The following CADPS2 variants were observed in gnomAD, a reference collection of about 807,000 sequenced individuals.
The protein encoded by CADPS2 is calcium dependent secretion activator 2.
A neutral mutation model predicts 172.5 loss-of-function variants in CADPS2; 93 were observed. The ratio of observed to expected loss-of-function variants is 0.54; its 90% CI spans 0.46 to 0.64. The LOEUF (loss-of-function observed/expected upper bound fraction) is 0.64, where lower values mean the gene tolerates loss of function less well. Among genes scored for constraint, CADPS2 ranks in the 30% least tolerant of loss-of-function variants. The pLI, the probability that CADPS2 is intolerant of heterozygous loss-of-function variation, is 0.00. For synonymous variants in CADPS2, 546 were observed against 555.2 expected, an observed-to-expected ratio of 0.98 and a Z score of 0.23; for missense variants, 1,420 against 1,565.9, an observed-to-expected ratio of 0.91 and a Z score of 1.57.
intron 1 of CADPS2, among the ~76,000 whole-genome samples, chr7:122,768,081 A>C (rs1180991197): frequency 2.0e-5 from 3 of 152,162 alleles, no homozygotes; most frequent in African/African-American, 7.2e-5. Context: ...AACAAAGTAA[A>C]ATGTGGTGAT....
chr7:122,779,167 T>C (rs553631470), intron 1 of CADPS2, among the ~76,000 whole-genome samples: 2 of 152,148 alleles, frequency 1.3e-5, no homozygotes, highest in African/African-American at 4.8e-5. Context: ...TATTTTTTTT[T>C]ATAAATTATC....
intron 8 of CADPS2, among the ~76,000 whole-genome samples, chr7:122,539,753 C>CTCTCTCTCCCTGTCTGT (rs145831752): frequency 1.3e-5 from 2 of 151,534 alleles, no homozygotes; most frequent in African/African-American, 4.8e-5. Flanking sequence ...CTCTCTCTGT[C>CTCTCTCTCCCTGTCTGT]TCTCTCTGTC....
intron 1 of CADPS2, among the ~76,000 whole-genome samples, chr7:122,832,244 T>C (rs1042724592): frequency 6.7e-6 from 1 of 148,688 alleles, no homozygotes; most frequent in African/African-American, 2.5e-5. Flanking sequence ...GTTTTCAAGA[T>C]CAAGGTCTTA....
chr7:122,381,084 T>C (rs2042943131), intron 24 of CADPS2, among the ~76,000 whole-genome samples: 2 of 152,056 alleles, frequency 1.3e-5, no homozygotes. Flanking sequence ...AGCTGAACAA[T>C]TCCAGTGCAC....
chr7:122,715,347 C>G (rs781222222), intron 2 of CADPS2, among the ~76,000 whole-genome samples: 2 of 152,022 alleles, frequency 1.3e-5, no homozygotes. Context: ...GCCTCAGAAC[C>G]CTATCTCCTA....
At position 122,637,407 on chromosome 7, in the gene CADPS2, T is replaced by A. The variant is rs2077187756; in HGVS notation, c.787-8079A>T. On this transcript the variant is annotated intron_variant, in intron 3 of 29. Coordinates refer to ENST00000449022, the MANE Select transcript of CADPS2 (RefSeq NM_017954.11). ...CTGACCTCAAACTCATGGGCTTAAGTGATCCTCTTGCCTTGGCCTCCCAAA... is the reference window on the plus strand; with the variant it reads ...CTGACCTCAAACTCATGGGCTTAAGAGATCCTCTTGCCTTGGCCTCCCAAA... Among the ~76,000 whole-genome samples the A allele has an allele frequency of 2.0e-5, 3 of 152,186 alleles. No individual in the cohort carries two copies. The South Asian group carries it at 6.2e-4, about 32-fold the overall frequency.
At chr7:122,600,018 A>G (rs78789241) in intron 6 of CADPS2, among the ~76,000 whole-genome samples, 3,795 of 152,182 alleles carry the variant, frequency 0.025, 121 homozygotes, top group Non-Finnish European at 0.034. Flanking sequence ...CTTAATTCAC[A>G]TAAGTGGTGC....
intron 3 of CADPS2, among the ~76,000 whole-genome samples, chr7:122,654,502 T>C (rs1233543042): frequency 6.6e-6 from 1 of 152,226 alleles, no homozygotes; most frequent in African/African-American, 2.4e-5. Context: ...TGAAGAATCA[T>C]GCTAAATCTA....
At chr7:122,464,218 G>A (rs372005134) in intron 14 of CADPS2, among the ~76,000 whole-genome samples, 1 of 152,170 alleles carries the variant, frequency 6.6e-6, no homozygotes, top group Non-Finnish European at 1.5e-5. Flanking sequence ...AAAACCAAAT[G>A]AGTGGGGCAT....
intron 14 of CADPS2, among the ~76,000 whole-genome samples, chr7:122,456,320 G>A (rs961346513): frequency 6.6e-6 from 1 of 151,946 alleles, no homozygotes; most frequent in East Asian, 1.9e-4. Flanking sequence ...TGAATGTTAA[G>A]TGGGACTTAA....
intron 9 of CADPS2, among the ~76,000 whole-genome samples, chr7:122,494,151 A>G (rs188700789): frequency 5.3e-5 from 8 of 152,304 alleles, no homozygotes; most frequent in Non-Finnish European, 5.9e-5. Context: ...AGGTTTTCTG[A>G]AAAAGAAGAC....
chr7:122,638,391 G>A (rs999222412), intron 3 of CADPS2, among the ~76,000 whole-genome samples: 9 of 152,164 alleles, frequency 5.9e-5, no homozygotes, highest in Non-Finnish European at 1.3e-4. Flanking sequence ...CCAGTTAGGA[G>A]CAGGATGAGT....
intron 27 of CADPS2, chr7:122,357,418 A>C (rs1429732678): frequency 6.6e-6 from 1 of 152,130 alleles, no homozygotes; most frequent in Non-Finnish European, 1.5e-5. Context: ...CAGTGAGTTT[A>C]TCTCATACAT....
At chr7:122,330,764 G>A (rs1364013077) in intron 28 of CADPS2, 1 of 152,232 alleles carries the variant, frequency 6.6e-6, no homozygotes, top group Non-Finnish European at 1.5e-5. Context: ...CTTGCATCTG[G>A]ACATGGCAGC....
rs994729139 is a variant in CADPS2 at position 122,475,882 on chromosome 7, C to T, written c.1862-1365G>A. On this transcript the variant is annotated intron_variant, in intron 12 of 29. Transcript: ENST00000449022. ...AGAAAGTATCATACTTATACCTTTA[C>T]ATTTAATAATTACCTGAATGATTAA... 4.6e-5 allele frequency among the ~76,000 whole-genome samples: 7 copies of T among 152,232 alleles called. No individual in the cohort carries two copies. The South Asian group carries it at 1.5e-3, about 32-fold the overall frequency.
chr7:122,402,951 C>T (rs978273379), intron 20 of CADPS2, among the ~76,000 whole-genome samples: 3 of 152,160 alleles, frequency 2.0e-5, no homozygotes, highest in African/African-American at 4.8e-5. Flanking sequence ...AACTGTAATG[C>T]CATGGCCGCA....
chr7:122,855,309 CA>C (rs1205314418), intron 1 of CADPS2, among the ~76,000 whole-genome samples: 1 of 152,174 alleles, frequency 6.6e-6, no homozygotes, highest in African/African-American at 2.4e-5. Flanking sequence ...ACTATACACA[CA>C]TTAATTTATT....
At chr7:122,656,819 C>T (rs1207825712) in intron 3 of CADPS2, among the ~76,000 whole-genome samples, 2 of 152,164 alleles carry the variant, frequency 1.3e-5, no homozygotes, top group Non-Finnish European at 2.9e-5. Context: ...TTAATTAGAT[C>T]CCATTTGTCA....
At chr7:122,815,057 T>C (rs1800968845) in intron 1 of CADPS2, among the ~76,000 whole-genome samples, 1 of 152,060 alleles carries the variant, frequency 6.6e-6, no homozygotes, top group Non-Finnish European at 1.5e-5. Flanking sequence ...GCATGCAGTT[T>C]TATATGCCAA....
Sources: allele counts gnomAD v4.1 joint callset (sites outside exome capture counted in the v4.1 genomes callset), GRCh38; gene constraint gnomAD v4.1.1; transcripts MANE v1.5; gene names NCBI Gene and HGNC (gene_info 2026-07-23, HGNC 2026-07-21).